Variants in NMNAT2 observed in about 807,000 individuals in gnomAD.
NMNAT2 encodes the protein nicotinamide nucleotide adenylyltransferase 2.
NMNAT2 carries 11 observed loss-of-function variants against 41.6 expected under a neutral mutation model. That is an observed-to-expected ratio of 0.26 (90% CI 0.17 to 0.44). The LOEUF (loss-of-function observed/expected upper bound fraction) is 0.44, where lower values mean the gene tolerates loss of function less well. Among genes scored for constraint, NMNAT2 ranks in the 20% least tolerant of loss-of-function variants. The pLI is 1.00. For missense variants in NMNAT2, 288 were observed against 407.7 expected (o/e 0.71, Z 2.53); for synonymous variants, 148 against 151.2 (o/e 0.98, Z 0.16).
chr1:183,394,078 A>G (rs888960691), intron 1 of NMNAT2, among the ~76,000 whole-genome samples: 3 of 152,216 alleles, frequency 2.0e-5, no homozygotes, highest in Non-Finnish European at 2.9e-5. Flanking sequence ...GAGGTTGATG[A>G]GAAGCATAGC....
At chr1:183,416,025 G>A (rs1252755081) in intron 1 of NMNAT2, among the ~76,000 whole-genome samples, 4 of 152,120 alleles carry the variant, frequency 2.6e-5, no homozygotes, top group Admixed American at 1.3e-4. Flanking sequence ...GTAAATAATC[G>A]TTACTGCCAA....
At chr1:183,325,898 T>C (rs1464254206) in intron 1 of NMNAT2, among the ~76,000 whole-genome samples, 1 of 152,160 alleles carries the variant, frequency 6.6e-6, no homozygotes, top group African/African-American at 2.4e-5. Context: ...GCCTAGGTGC[T>C]GATGTTTAGA....
intron 1 of NMNAT2, among the ~76,000 whole-genome samples, chr1:183,371,861 C>T (rs1225189192): frequency 2.0e-5 from 3 of 152,142 alleles, no homozygotes; most frequent in African/African-American, 4.8e-5. Flanking sequence ...CTCACTGCAG[C>T]CTTGATCCCC....
intron 1 of NMNAT2, among the ~76,000 whole-genome samples, chr1:183,408,852 C>T (rs993652384): frequency 9.2e-5 from 14 of 152,042 alleles, no homozygotes; most frequent in South Asian, 6.2e-4. Flanking sequence ...TAATTTAAAA[C>T]GAATGACATG....
chr1:183,410,912 C>T (rs1030691711), intron 1 of NMNAT2, among the ~76,000 whole-genome samples: 2 of 151,924 alleles, frequency 1.3e-5, no homozygotes, highest in Non-Finnish European at 2.9e-5. Context: ...GAGATGGGGT[C>T]TCATTATAAA....
chr1:183,400,705 C>T (rs1648783901), intron 1 of NMNAT2, among the ~76,000 whole-genome samples: 1 of 152,078 alleles, frequency 6.6e-6, no homozygotes, highest in Non-Finnish European at 1.5e-5. Flanking sequence ...GGTACTGCTA[C>T]CAAAACAGAG....
At chr1:183,399,097 C>T (rs1468899813) in intron 1 of NMNAT2, among the ~76,000 whole-genome samples, 1 of 152,028 alleles carries the variant, frequency 6.6e-6, no homozygotes, top group African/African-American at 2.4e-5. Context: ...CACAAAAAAA[C>T]CTTCAAAAAA....
At chr1:183,403,444 C>G (rs1648871739) in intron 1 of NMNAT2, among the ~76,000 whole-genome samples, 1 of 150,982 alleles carries the variant, frequency 6.6e-6, no homozygotes, top group Non-Finnish European at 1.5e-5. Context: ...GGAACAACCC[C>G]CCCCCCCAAA....
intron 1 of NMNAT2, among the ~76,000 whole-genome samples, chr1:183,369,919 A>G (rs564613169): frequency 6.6e-6 from 1 of 152,262 alleles, no homozygotes; most frequent in South Asian, 2.1e-4. Flanking sequence ...CAGTCAGTTT[A>G]AATAAATTGC....
chr1:183,384,213 T>A (rs1663862123), intron 1 of NMNAT2, among the ~76,000 whole-genome samples: 1 of 152,100 alleles, frequency 6.6e-6, no homozygotes, highest in Admixed American at 6.5e-5. Flanking sequence ...TATGTTTTAT[T>A]TTTTTGAGAC....
chr1:183,333,063 C>T (rs1187936370), intron 1 of NMNAT2, among the ~76,000 whole-genome samples: 2 of 152,140 alleles, frequency 1.3e-5, no homozygotes, highest in African/African-American at 4.8e-5. Flanking sequence ...AGCTGACTCC[C>T]ATTGGAAAAC....
rs1557897610 is a variant in NMNAT2 at position 183,389,800 on chromosome 1, GAAA to G, written c.85+28380_85+28382del. 8.1e-4 allele frequency among the ~76,000 whole-genome samples: 51 copies of G among 63,078 alleles called. 5 individuals are homozygous for G. The highest frequency in any genetic ancestry group is 1.9e-3 in the South Asian group (3 of 1,550). 41.4% of individuals were successfully genotyped at this position (63,078 alleles called of 152,430 possible). A position where few individuals can be genotyped will look rare whatever the true frequency, so the allele number is the denominator to read the frequency against. On this transcript the variant is annotated intron_variant, in intron 1 of 10. Transcript: ENST00000287713. The stretch of plus-strand genomic sequence containing the variant: ...AGAAAGAAAGAAAGAAAGAAAGAAA[GAAA>G]GAAAGAAAGAAAGAAAGAAAGAAAG...
chr1:183,341,077 C>T (rs1345641845), intron 1 of NMNAT2, among the ~76,000 whole-genome samples: 6 of 152,178 alleles, frequency 3.9e-5, no homozygotes, highest in East Asian at 1.9e-4. Flanking sequence ...AGTGGATGGG[C>T]GGCTGGGCTA....
intron 8 of NMNAT2, among the ~76,000 whole-genome samples, chr1:183,265,162 C>T (rs1660775937): frequency 8.8e-5 from 1 of 11,382 alleles, no homozygotes; most frequent in South Asian, 7.8e-3. Flanking sequence ...CCTGGACCTG[C>T]TAACATAAAC....
intron 1 of NMNAT2, among the ~76,000 whole-genome samples, chr1:183,379,118 A>C (rs1663746218): frequency 6.6e-6 from 1 of 150,682 alleles, no homozygotes; most frequent in Non-Finnish European, 1.5e-5. Context: ...CTCTCTCTCT[A>C]TATAGCAGAT....
In NMNAT2 at chr1:183,332,496, A is replaced by G. The variant is rs1437114785; in HGVS notation, c.86-38703T>C. Among the ~76,000 whole-genome samples the G allele has an allele frequency of 2.6e-5, 4 of 152,336 alleles. No individual in the cohort carries two copies. In the East Asian group the frequency reaches 7.7e-4, roughly 29 times the overall value. On this transcript the variant is annotated intron_variant, in intron 1 of 10. Transcript: ENST00000287713. ...AGAGTACTCAGTCACATAGACTGGAACCAAAGAGAGGGGGATAATGAGGGC... is the reference window on the plus strand; with the variant it reads ...AGAGTACTCAGTCACATAGACTGGAGCCAAAGAGAGGGGGATAATGAGGGC...
At chr1:183,294,221 T>G (rs10752907) in intron 1 of NMNAT2, among the ~76,000 whole-genome samples, 62,742 of 152,030 alleles carry the variant, frequency 0.41, 14,187 homozygotes, top group Middle Eastern at 0.55. Context: ...GATTGCCTCA[T>G]CTAATTATTC....
chr1:183,320,888 GA>G (rs1372664555), intron 1 of NMNAT2, among the ~76,000 whole-genome samples: 1 of 152,254 alleles, frequency 6.6e-6, no homozygotes, highest in Non-Finnish European at 1.5e-5. Flanking sequence ...TTGGTGAACA[GA>G]AGAGAAGAAA....
intron 1 of NMNAT2, among the ~76,000 whole-genome samples, chr1:183,361,285 C>G (rs1571619381): frequency 6.6e-6 from 1 of 152,210 alleles, no homozygotes; most frequent in South Asian, 2.1e-4. Context: ...GTGGTCCACA[C>G]TTGGCAAGCC....
Sources: gnomAD v4.1 joint callset for allele counts (sites outside exome capture counted in the v4.1 genomes callset) on GRCh38, gnomAD v4.1.1 for gene constraint, MANE v1.5 for transcripts, NCBI Gene and HGNC (gene_info 2026-07-23, HGNC 2026-07-21) for gene names.